AGBL4: variants seen among roughly 807,000 people sequenced by gnomAD.
AGBL4 encodes cytosolic carboxypeptidase 6.
In AGBL4, 58 loss-of-function variants were observed where a neutral mutation model predicts 66.4. The observed-to-expected ratio is 0.87, with a 90% CI of 0.71 to 1.09. The LOEUF (loss-of-function observed/expected upper bound fraction) is 1.09, where lower values mean the gene tolerates loss of function less well. Among genes scored for constraint, AGBL4 ranks in the 50% least tolerant of loss-of-function variants. AGBL4 has a pLI of 0.00. For missense variants in AGBL4, 579 were observed against 631.0 expected, an observed-to-expected ratio of 0.92 and a Z score of 0.88; for synonymous variants, 234 against 222.9, an observed-to-expected ratio of 1.05 and a Z score of -0.44.
rs568135414 is a variant in AGBL4, at chr1:49,541,245, C to T, written c.282+156068G>A. ...CCCACTCTGGCCATGCTTGAGGAGC[C>T]CTTCAGCCCGCCGCTGCACTATGGG... On this transcript the variant is annotated intron_variant, in intron 3 of 13. Coordinates refer to ENST00000371839, the MANE Select transcript of AGBL4 (RefSeq NM_032785.4). 1.2e-4 allele frequency among the ~76,000 whole-genome samples: 18 copies of T among 152,336 alleles called. No individual in the cohort carries two copies. In the East Asian group the frequency reaches 3.5e-3, roughly 29 times the overall value.
intron 3 of AGBL4, among the ~76,000 whole-genome samples, chr1:49,596,574 T>G (rs1644857870): frequency 6.6e-6 from 1 of 152,224 alleles, no homozygotes; most frequent in South Asian, 2.1e-4. Context: ...AATGTAGATG[T>G]ATGTTAGTAA....
At chr1:49,695,602 C>G (rs1028901561) in intron 3 of AGBL4, among the ~76,000 whole-genome samples, 1 of 152,088 alleles carries the variant, frequency 6.6e-6, no homozygotes, top group Admixed American at 6.6e-5. Context: ...AAAGGGAACT[C>G]TGCCATAGGA....
chr1:49,493,675 G>A (rs1647274814), intron 3 of AGBL4, among the ~76,000 whole-genome samples: 1 of 151,954 alleles, frequency 6.6e-6, no homozygotes, highest in African/African-American at 2.4e-5. Flanking sequence ...AATGTGGGCT[G>A]GGGTCCCTTC....
intron 2 of AGBL4, among the ~76,000 whole-genome samples, chr1:49,697,659 T>A (rs1353108606): frequency 1.3e-5 from 2 of 152,174 alleles, no homozygotes; most frequent in Non-Finnish European, 2.9e-5. Context: ...TGCCTGGCCC[T>A]TCTGACCCAG....
At chr1:49,999,629 C>A (rs1167558048) in intron 1 of AGBL4, among the ~76,000 whole-genome samples, 1 of 152,006 alleles carries the variant, frequency 6.6e-6, no homozygotes, top group African/African-American at 2.4e-5. Flanking sequence ...CAAAGCAAGA[C>A]TAAACAACAA....
At chr1:49,850,798 TTCTGAG>T (rs1646284604) in intron 2 of AGBL4, among the ~76,000 whole-genome samples, 1 of 152,160 alleles carries the variant, frequency 6.6e-6, no homozygotes, top group Non-Finnish European at 1.5e-5. Flanking sequence ...TTTCAACATA[TTCTGAG>T]TCTCTACTGT....
intron 4 of AGBL4, among the ~76,000 whole-genome samples, chr1:49,152,718 T>C (rs1646361119): frequency 6.6e-6 from 1 of 152,198 alleles, no homozygotes; most frequent in South Asian, 2.1e-4. Flanking sequence ...CTGTCCCCTA[T>C]TTCAAATATT....
At chr1:50,019,306 T>TCTCTCTCTCTCTCTCACACACACA (rs1167835143) in intron 1 of AGBL4, among the ~76,000 whole-genome samples, 2 of 48,432 alleles carry the variant, frequency 4.1e-5, no homozygotes, top group South Asian at 1.6e-3. Context: ...TCTCTCTCTC[T>TCTCTCTCTCTCTCTCACACACACA]CACACACACA....
At chr1:48,818,327 G>A in intron 6 of AGBL4, 1 of 711,698 alleles carries the variant, frequency 1.4e-6, no homozygotes, top group Non-Finnish European at 2.6e-6. Context: ...TTGAAAAGGG[G>A]CATATTGCCT....
chr1:49,233,025 C>T (rs1457043072), intron 4 of AGBL4, among the ~76,000 whole-genome samples: 1 of 152,144 alleles, frequency 6.6e-6, no homozygotes, highest in African/African-American at 2.4e-5. Flanking sequence ...CTGATGGGTA[C>T]TTGGATAATT....
At chr1:48,962,469 C>T (rs901260941) in intron 5 of AGBL4, among the ~76,000 whole-genome samples, 11 of 152,216 alleles carry the variant, frequency 7.2e-5, no homozygotes, top group South Asian at 4.2e-4. Context: ...CACAGGGACA[C>T]GGGAATCAAT....
At chr1:50,020,051 A>G (rs1662326596) in intron 1 of AGBL4, among the ~76,000 whole-genome samples, 1 of 151,988 alleles carries the variant, frequency 6.6e-6, no homozygotes, top group Non-Finnish European at 1.5e-5. Context: ...CTTTACATAT[A>G]AAAGCATGCT....
intron 4 of AGBL4, among the ~76,000 whole-genome samples, chr1:49,233,368 T>C (rs1325166597): frequency 2.0e-5 from 3 of 152,132 alleles, no homozygotes; most frequent in Non-Finnish European, 4.4e-5. Flanking sequence ...AAAAGATCAG[T>C]AGAGGCCCAA....
intron 3 of AGBL4, among the ~76,000 whole-genome samples, chr1:49,640,362 G>A (rs925565547): frequency 2.0e-5 from 3 of 152,094 alleles, no homozygotes; most frequent in Non-Finnish European, 2.9e-5. Context: ...CTCTGTAAAA[G>A]GAACTCAGGG....
At chr1:49,832,342 C>T (rs1050598157) in intron 2 of AGBL4, among the ~76,000 whole-genome samples, 43 of 150,572 alleles carry the variant, frequency 2.9e-4, no homozygotes, top group Admixed American at 9.3e-4. Flanking sequence ...TTTTTTATGG[C>T]TGCATAGTAT....
intron 6 of AGBL4, among the ~76,000 whole-genome samples, chr1:48,779,704 C>CTTTT (rs200375125): frequency 1.5e-4 from 20 of 137,176 alleles, no homozygotes; most frequent in South Asian, 6.8e-4. Context: ...CTGTTCCTCT[C>CTTTT]TTTTTTTTTT....
intron 3 of AGBL4, among the ~76,000 whole-genome samples, chr1:49,567,947 G>A (rs1011327412): frequency 1.3e-5 from 2 of 152,104 alleles, no homozygotes; most frequent in Non-Finnish European, 2.9e-5. Context: ...AATAAACTAG[G>A]TATTGAAGGA....
intron 4 of AGBL4, among the ~76,000 whole-genome samples, chr1:49,189,848 C>A (rs773370304): frequency 9.9e-5 from 15 of 152,158 alleles, no homozygotes; most frequent in Non-Finnish European, 1.9e-4. Context: ...GGAACTAAGG[C>A]TCCAGGCCCA....
At chr1:48,592,916 G>A (rs560122054) in intron 9 of AGBL4, among the ~76,000 whole-genome samples, 9 of 152,236 alleles carry the variant, frequency 5.9e-5, no homozygotes, top group Non-Finnish European at 8.8e-5. Flanking sequence ...GCGTACAAGT[G>A]TAATTTTGTT....
Sources: gnomAD v4.1 joint callset for allele counts (sites outside exome capture counted in the v4.1 genomes callset) on GRCh38, gnomAD v4.1.1 for gene constraint, MANE v1.5 for transcripts, NCBI Gene and HGNC (gene_info 2026-07-23, HGNC 2026-07-21) for gene names.